Variants in PAX3 observed in about 807,000 individuals in gnomAD.
The protein encoded by PAX3 is paired box protein Pax-3.
In PAX3, 14 loss-of-function variants were observed where a neutral mutation model predicts 51.6. The observed-to-expected ratio is 0.27, with a 90% CI of 0.18 to 0.42. The LOEUF (loss-of-function observed/expected upper bound fraction) is 0.42, where lower values mean the gene tolerates loss of function less well. Ranked by LOEUF, PAX3 falls within the 10% of genes least tolerant of loss-of-function variation. PAX3 has a pLI of 1.00. For missense variants in PAX3, 540 were observed against 642.8 expected (o/e 0.84, Z 1.73); for synonymous variants, 280 against 253.4 (o/e 1.11, Z -1.00).
At chr2:222,234,315 G>A (rs933107030) in intron 4 of PAX3, among the ~76,000 whole-genome samples, 6 of 151,714 alleles carry the variant, frequency 4.0e-5, no homozygotes, top group East Asian at 1.9e-4. Context: ...TAAATCTTAC[G>A]TTAGGATATT....
chr2:222,210,511 A>G (rs979378665), intron 7 of PAX3, among the ~76,000 whole-genome samples: 1 of 152,196 alleles, frequency 6.6e-6, no homozygotes, highest in Non-Finnish European at 1.5e-5. Context: ...AGTCAAAACT[A>G]GAATACAAAA....
At chr2:222,271,403 A>C (rs1453460225) in intron 4 of PAX3, among the ~76,000 whole-genome samples, 1 of 152,218 alleles carries the variant, frequency 6.6e-6, no homozygotes, top group East Asian at 1.9e-4. Context: ...TGGTCATGTA[A>C]ATATAACTGT....
At chr2:222,225,512 G>A (rs1048449730) in intron 5 of PAX3, among the ~76,000 whole-genome samples, 1 of 152,064 alleles carries the variant, frequency 6.6e-6, no homozygotes, top group African/African-American at 2.4e-5. Flanking sequence ...CGGGTGGCGG[G>A]GAAACTAGTA....
chr2:222,243,044 T>C (rs1693078339), intron 4 of PAX3, among the ~76,000 whole-genome samples: 1 of 152,192 alleles, frequency 6.6e-6, no homozygotes, highest in Admixed American at 6.5e-5. Flanking sequence ...AACAAAAGAA[T>C]TCTCCTGTCA....
intron 4 of PAX3, among the ~76,000 whole-genome samples, chr2:222,256,189 A>T (rs1177165076): frequency 6.6e-6 from 1 of 152,058 alleles, no homozygotes; most frequent in Non-Finnish European, 1.5e-5. Flanking sequence ...TGCTATTTGG[A>T]ACGTGCCAGA....
chr2:222,256,396 C>T (rs975971277), intron 4 of PAX3, among the ~76,000 whole-genome samples: 2 of 151,976 alleles, frequency 1.3e-5, no homozygotes, highest in East Asian at 3.9e-4. Flanking sequence ...GCCATCCCTC[C>T]CTCTCAGAGA....
intron 7 of PAX3, among the ~76,000 whole-genome samples, chr2:222,207,106 A>G (rs1261218298): frequency 6.6e-6 from 1 of 152,114 alleles, no homozygotes; most frequent in African/African-American, 2.4e-5. Context: ...ATTTAGATAT[A>G]ATATATTTTC....
chr2:222,204,625 A>C (rs1309386333), intron 7 of PAX3, among the ~76,000 whole-genome samples: 1 of 152,166 alleles, frequency 6.6e-6, no homozygotes, highest in Non-Finnish European at 1.5e-5. Context: ...TTAAAATGTG[A>C]TTTTTTTAAT....
chr2:222,273,633 G>C (rs1694324358), intron 4 of PAX3, among the ~76,000 whole-genome samples: 1 of 152,164 alleles, frequency 6.6e-6, no homozygotes, highest in African/African-American at 2.4e-5. Flanking sequence ...ATCAGCTCCT[G>C]ATCCATCCTA....
At chr2:222,213,931 A>G (rs1691851095) in intron 7 of PAX3, among the ~76,000 whole-genome samples, 1 of 152,188 alleles carries the variant, frequency 6.6e-6, no homozygotes. Context: ...GGTGAACCTT[A>G]TTGCTTTGAC....
At chr2:222,225,694 C>T (rs1692357392) in intron 5 of PAX3, among the ~76,000 whole-genome samples, 1 of 152,182 alleles carries the variant, frequency 6.6e-6, no homozygotes. Flanking sequence ...AATATAAAAA[C>T]TACTTCACAA....
intron 4 of PAX3, among the ~76,000 whole-genome samples, chr2:222,280,009 G>C (rs1694577967): frequency 6.6e-6 from 1 of 152,066 alleles, no homozygotes; most frequent in Admixed American, 6.6e-5. Context: ...TCAGGAGTTT[G>C]AGCCCAGCCT....
At chr2:222,261,039 G>A (rs1693844038) in intron 4 of PAX3, among the ~76,000 whole-genome samples, 1 of 152,190 alleles carries the variant, frequency 6.6e-6, no homozygotes, top group African/African-American at 2.4e-5. Context: ...CAGTCTCAAT[G>A]GAGAATTCCT....
At chr2:222,211,470 T>C (rs547527469) in intron 7 of PAX3, among the ~76,000 whole-genome samples, 9 of 152,300 alleles carry the variant, frequency 5.9e-5, no homozygotes, top group African/African-American at 1.9e-4. Context: ...ATCTGCCTCA[T>C]CCTAAATATT....
At chr2:222,283,117 C>T (rs1028259755) in intron 4 of PAX3, among the ~76,000 whole-genome samples, 4 of 152,172 alleles carry the variant, frequency 2.6e-5, no homozygotes, top group Non-Finnish European at 5.9e-5. Context: ...TAAACTCACA[C>T]GTGTGCCAAA....
intron 7 of PAX3, 60 bp downstream of exon 7, chr2:222,220,080 G>A (rs1265813948): frequency 4.3e-6 from 6 of 1,403,470 alleles, no homozygotes; most frequent in Non-Finnish European, 4.0e-6. Context: ...ACTGCCTCAG[G>A]GAATTGAATA....
chr2:222,277,585 T>C lies in PAX3; in HGVS notation c.586+16582A>G, dbSNP rs369870819. Among the ~76,000 whole-genome samples the C allele has an allele frequency of 5.9e-5, 9 of 152,274 alleles. No homozygotes were observed. The South Asian group carries it at 1.2e-3, about 21-fold the overall frequency. Reference sequence around the variant, plus strand: ...TGTTCAACCCGTGGCTCACGGGCCATATGCAGCCCTGGATGCTTTTGAAAA... The same window carrying C: ...TGTTCAACCCGTGGCTCACGGGCCACATGCAGCCCTGGATGCTTTTGAAAA... On this transcript the variant is annotated intron_variant, in intron 4 of 8. Coordinates refer to ENST00000392070, the MANE Select transcript of PAX3 (RefSeq NM_181458.4).
At chr2:222,203,228 C>T (rs1291916179) in intron 7 of PAX3, among the ~76,000 whole-genome samples, 2 of 150,870 alleles carry the variant, frequency 1.3e-5, no homozygotes, top group Non-Finnish European at 1.5e-5. Flanking sequence ...CTGACCCTTA[C>T]AGCACCTTGT....
At chr2:222,244,374 A>G (rs972251132) in intron 4 of PAX3, among the ~76,000 whole-genome samples, 4 of 152,118 alleles carry the variant, frequency 2.6e-5, no homozygotes, top group African/African-American at 9.7e-5. Context: ...AAGCTTATTA[A>G]CCCTCTGAAT....
Sources: gnomAD v4.1 joint callset for allele counts (sites outside exome capture counted in the v4.1 genomes callset) on GRCh38, gnomAD v4.1.1 for gene constraint, MANE v1.5 for transcripts, NCBI Gene and HGNC (gene_info 2026-07-23, HGNC 2026-07-21) for gene names.